Variants in DENND2B observed in about 807,000 individuals in gnomAD.
DENND2B encodes DENN domain-containing protein 2B.
A neutral mutation model predicts 116.0 loss-of-function variants in DENND2B; 32 were observed. The observed-to-expected ratio is 0.28, with a 90% CI of 0.21 to 0.37. DENND2B has a LOEUF of 0.37. Among genes scored for constraint, DENND2B ranks in the 10% least tolerant of loss-of-function variants. DENND2B has a pLI of 1.00. For missense variants in DENND2B, 1,276 were observed against 1,477.7 expected, an observed-to-expected ratio of 0.86 and a Z score of 2.24; for synonymous variants, 588 against 583.9, an observed-to-expected ratio of 1.01 and a Z score of -0.10.
At chr11:8,743,913 AT>A (rs371544324) in intron 2 of DENND2B, among the ~76,000 whole-genome samples, 55 of 148,878 alleles carry the variant, frequency 3.7e-4, no homozygotes, top group Middle Eastern at 3.5e-3. Flanking sequence ...TGCCTGATTA[AT>A]TTTTTTTTTG....
At chr11:8,844,742 AT>A (rs765301324) in intron 3 of DENND2B, among the ~76,000 whole-genome samples, 3 of 88,934 alleles carry the variant, frequency 3.4e-5, no homozygotes, top group African/African-American at 3.9e-5. Flanking sequence ...TATTTATTTT[AT>A]TTTTTTTTAG....
chr11:8,730,620 C>T lies in DENND2B; in HGVS notation c.670G>A (p.Gly224Ser), dbSNP rs1555144387. The T allele has an allele frequency of 1.2e-6, 2 of 1,612,934 alleles. No individual in the cohort carries two copies. The highest frequency in any genetic ancestry group is 1.7e-6 in the Non-Finnish European group (2 of 1,180,008). The change falls in exon 3 of 20, where the codon GGC becomes AGC. Residue 224 changes from glycine (G) to serine (S), a missense_variant. Transcript: ENST00000313726. This position sits in a 1 kb window ranked among gnomAD's most constrained non-coding sequence, Gnocchi z 4.1. ...AAGGTCCTGCTCATCCTCCGGAGGC[C>T]CTTGAAATCAAAGGTCTTTTCAGAG... is the stretch of plus-strand genomic sequence containing the variant. ...CSSEKTFDFK[G>S]LRRMSRTFSE...
Position 8,730,690 on chromosome 11 carries a change from G to C in DENND2B, c.600C>G (p.Gly200=), listed in dbSNP as rs747981455. 1.1e-5 allele frequency: 18 copies of C among 1,611,642 alleles called. No homozygotes were observed. Among genetic ancestry groups the C allele is most frequent in the Non-Finnish European group, 1.5e-5 (18 of 1,179,648 alleles). Residue 200 remains glycine (G), a synonymous_variant, in exon 3 of 20, where the codon GGC becomes GGG. Transcript: ENST00000313726. The surrounding 1 kb of genome is among the most constrained non-coding windows in gnomAD (Gnocchi z 4.1). ...GSGSEWAASE[G]CPSLGCPSVV... ...CGCTGGGACAGCCCAGGCTGGGGCAGCCCTCACTGGCCGCCCACTCGCTCC... is the reference window on the plus strand; with the variant it reads ...CGCTGGGACAGCCCAGGCTGGGGCACCCCTCACTGGCCGCCCACTCGCTCC...
intron 3 of DENND2B, among the ~76,000 whole-genome samples, chr11:8,849,719 C>A (rs185456158): frequency 0.015 from 2,117 of 142,476 alleles, 35 homozygotes; most frequent in African/African-American, 0.021. Flanking sequence ...GCTACTCAGG[C>A]GGCTGAGGCA....
In DENND2B at chr11:8,707,257, G is replaced by C. The variant is rs754386393; in HGVS notation, c.2431-32C>G. The C allele has an allele frequency of 6.3e-7, 1 of 1,596,306 alleles. No homozygotes were observed. Among genetic ancestry groups the C allele is most frequent in the East Asian group, 2.2e-5 (1 of 44,466 alleles). On this transcript the variant is annotated intron_variant, in intron 12 of 19. Transcript: ENST00000313726. The surrounding 1 kb of genome is among the most constrained non-coding windows in gnomAD (Gnocchi z 4.8). Reference sequence around the variant, plus strand: ...CCACCGCCAGCAGCCCAAAGAGGAAGGGTGTCAGGGCACTGCCCTTCCCCC... The same window carrying C: ...CCACCGCCAGCAGCCCAAAGAGGAACGGTGTCAGGGCACTGCCCTTCCCCC...
At chr11:8,812,782 G>C (rs946917648), upstream of DENND2B, among the ~76,000 whole-genome samples, 2 of 152,118 alleles carry the variant, frequency 1.3e-5, no homozygotes, top group Non-Finnish European at 2.9e-5. Context: ...CTCAAGTCAG[G>C]AACTGAACTA....
intron 1 of DENND2B, among the ~76,000 whole-genome samples, chr11:8,903,889 C>CAAAA (rs61317026): frequency 0.016 from 1,178 of 75,166 alleles, 22 homozygotes; most frequent in East Asian, 0.078. Context: ...GACCTTGTCT[C>CAAAA]AAAAAAAAAA....
intron 3 of DENND2B, among the ~76,000 whole-genome samples, chr11:8,855,034 C>T (rs2436178): frequency 0.93 from 141,982 of 151,980 alleles, 67,061 homozygotes; most frequent in East Asian, 1. Context: ...GTCCTAGCTA[C>T]TCAAGAGGCT....
intron 18 of DENND2B, chr11:8,696,060 G>C (rs2134309): frequency 0.66 from 182,738 of 274,978 alleles, 61,139 homozygotes; most frequent in Middle Eastern, 0.73. Flanking sequence ...CCAATGCTCT[G>C]TAAGGGAATT....
chr11:8,867,343 T>C (rs1043425604), intron 2 of DENND2B, among the ~76,000 whole-genome samples: 3 of 152,124 alleles, frequency 2.0e-5, no homozygotes, highest in African/African-American at 7.2e-5. Context: ...ACATGAACAA[T>C]ACGATTAACT....
intron 1 of DENND2B, among the ~76,000 whole-genome samples, chr11:8,882,784 TG>T (rs1204318351): frequency 6.6e-6 from 1 of 152,168 alleles, no homozygotes; most frequent in Non-Finnish European, 1.5e-5. Context: ...GCCCAGCAGT[TG>T]GAGATCAGCC....
At chr11:8,698,358 C>T (rs1477194980) in intron 16 of DENND2B, among the ~76,000 whole-genome samples, 1 of 152,088 alleles carries the variant, frequency 6.6e-6, no homozygotes. Flanking sequence ...TACTCTGTTT[C>T]TGTGTCCACA....
chr11:8,855,458 GA>G (rs1394536548), intron 3 of DENND2B, among the ~76,000 whole-genome samples: 1 of 151,068 alleles, frequency 6.6e-6, no homozygotes, highest in African/African-American at 2.4e-5. Flanking sequence ...CCATCATCTA[GA>G]GAGGCTGCTC....
intron 16 of DENND2B, 30 bp downstream of exon 16, chr11:8,698,903 C>T (rs770382512): frequency 1.2e-6 from 2 of 1,613,754 alleles, no homozygotes; most frequent in Non-Finnish European, 1.7e-6. Flanking sequence ...TGCTCAGGAG[C>T]CCAACTCTAG....
At chr11:8,797,790 T>C (rs1470865271) in intron 1 of DENND2B, among the ~76,000 whole-genome samples, 1 of 151,818 alleles carries the variant, frequency 6.6e-6, no homozygotes, top group Non-Finnish European at 1.5e-5. Flanking sequence ...AGATTCAATG[T>C]TCCTCTCTCT....
chr11:8,703,560 C>T (rs1031106468), intron 13 of DENND2B: 1 of 152,536 alleles, frequency 6.6e-6, no homozygotes, highest in Non-Finnish European at 1.5e-5. Flanking sequence ...CTGGCCTCCT[C>T]CTTGGTCCCG....
In DENND2B at chr11:8,712,441, T is replaced by A; in HGVS notation, c.2172+110A>T. ...GAGGCAGGTTCAGGGCTGTGGCAGCTCGGTGAGGACGTATGACGAACAAGA... is the reference window on the plus strand; with the variant it reads ...GAGGCAGGTTCAGGGCTGTGGCAGCACGGTGAGGACGTATGACGAACAAGA... On this transcript the variant is annotated intron_variant, in intron 9 of 19. Coordinates refer to ENST00000313726, the MANE Select transcript of DENND2B (RefSeq NM_213618.2). This position sits in a 1 kb window ranked among gnomAD's most constrained non-coding sequence, Gnocchi z 4.4. 7.9e-7 allele frequency: 1 copy of A among 1,264,718 alleles called. No homozygotes were observed. The highest frequency in any genetic ancestry group is 1.1e-6 in the Non-Finnish European group (1 of 929,362). The allele number at this position is 1,264,718 out of a possible 1,614,324, so 78.3% of individuals were successfully genotyped here.
At chr11:8,843,109 C>T (rs1000746077) in intron 3 of DENND2B, among the ~76,000 whole-genome samples, 3 of 151,994 alleles carry the variant, frequency 2.0e-5, no homozygotes, top group East Asian at 1.9e-4. Context: ...ATCCGCCTCC[C>T]GGGTTCAAGC....
intron 2 of DENND2B, among the ~76,000 whole-genome samples, chr11:8,868,305 G>T (rs2063656366): frequency 6.6e-6 from 1 of 152,248 alleles, no homozygotes; most frequent in Non-Finnish European, 1.5e-5. Flanking sequence ...TGATGAGCAT[G>T]TCACATTCCT....
Sources: gnomAD v4.1 joint callset for allele counts (sites outside exome capture counted in the v4.1 genomes callset) on GRCh38, gnomAD v4.1.1 for gene constraint, Gnocchi (gnomAD v3.1) non-coding constraint, MANE v1.5 for transcripts, NCBI Gene and HGNC (gene_info 2026-07-23, HGNC 2026-07-21) for gene names.